Variants in MTHFD1L observed in about 807,000 individuals in gnomAD.
MTHFD1L encodes the protein methylenetetrahydrofolate dehydrogenase (NADP+ dependent) 1 like.
A neutral mutation model predicts 119.5 loss-of-function variants in MTHFD1L; 81 were observed. The observed-to-expected ratio is 0.68, with a 90% CI of 0.57 to 0.82. The LOEUF (loss-of-function observed/expected upper bound fraction) is 0.82. MTHFD1L is among the 40% of genes least tolerant of loss of function. MTHFD1L has a pLI of 0.00. For synonymous variants in MTHFD1L, 430 were observed against 475.2 expected (o/e 0.90, Z 1.24); for missense variants, 1,125 against 1,253.4 (o/e 0.90, Z 1.55).
At chr6:151,093,837 C>T (rs1464060658) in intron 27 of MTHFD1L, among the ~76,000 whole-genome samples, 2 of 152,144 alleles carry the variant, frequency 1.3e-5, no homozygotes, top group Non-Finnish European at 2.9e-5. Context: ...CCATGGGTTC[C>T]AGGAAGGGCA....
chr6:150,877,832 AATG>A lies in MTHFD1L; in HGVS notation c.417+7_417+9del, dbSNP rs762894586. On this transcript the variant is annotated splice_region_variant and intron_variant, in intron 4 of 27. Transcript: ENST00000367321. ...CAGATAGCAGTGAAGCCGAGGTAAT[AATG>A]GCAGAGCTCTAAACTCTTGCTTCTT... 6.2e-7 allele frequency: 1 copy of A among 1,614,216 alleles called. No individual in the cohort carries two copies. Among genetic ancestry groups the A allele is most frequent in the Non-Finnish European group, 8.5e-7 (1 of 1,180,024 alleles).
chr6:150,988,887 T>A (rs1375249171), intron 20 of MTHFD1L, among the ~76,000 whole-genome samples: 3 of 152,340 alleles, frequency 2.0e-5, no homozygotes, highest in Non-Finnish European at 4.4e-5. Flanking sequence ...ATTACAGGCA[T>A]GTGCCACCAT....
At chr6:151,034,645 C>A (rs367994189) in intron 25 of MTHFD1L, 45 bp downstream of exon 25, 28 of 1,226,230 alleles carry the variant, frequency 2.3e-5, no homozygotes, top group African/African-American at 2.1e-4. Flanking sequence ...TCACCTTAGG[C>A]TCTCAGAATA....
At chr6:151,055,879 C>A (rs1789844913) in intron 26 of MTHFD1L, 1 of 152,222 alleles carries the variant, frequency 6.6e-6, no homozygotes, top group South Asian at 2.1e-4. Flanking sequence ...CTGTAAGTAA[C>A]TCTTGATTCC....
intron 20 of MTHFD1L, among the ~76,000 whole-genome samples, chr6:150,977,108 G>C (rs562525136): frequency 2.6e-4 from 39 of 152,292 alleles, no homozygotes; most frequent in African/African-American, 7.2e-4. Context: ...TTGATGATGT[G>C]CTGTGAGAGA....
At chr6:150,943,983 A>C (rs1158787522) in intron 13 of MTHFD1L, among the ~76,000 whole-genome samples, 1 of 152,206 alleles carries the variant, frequency 6.6e-6, no homozygotes, top group African/African-American at 2.4e-5. Flanking sequence ...GACTATAAGG[A>C]GATTCATTAT....
intron 23 of MTHFD1L, 108 bp downstream of exon 23, chr6:151,015,088 A>G: frequency 1.2e-6 from 1 of 833,608 alleles, no homozygotes; most frequent in South Asian, 1.7e-5. Flanking sequence ...CTAAAAGTAT[A>G]CAGAAATACC....
At chr6:151,080,127 G>A (rs1226192169) in intron 26 of MTHFD1L, among the ~76,000 whole-genome samples, 11 of 152,118 alleles carry the variant, frequency 7.2e-5, no homozygotes, top group African/African-American at 1.9e-4. Flanking sequence ...TCAGTGAGCC[G>A]AGATTGCGCC....
chr6:151,057,886 T>C (rs565961343), intron 26 of MTHFD1L, among the ~76,000 whole-genome samples: 9 of 152,184 alleles, frequency 5.9e-5, no homozygotes, highest in African/African-American at 2.2e-4. Flanking sequence ...TCAAGTGATT[T>C]TCCTGCCTCA....
chr6:150,954,449 A>T (rs1474656217), intron 16 of MTHFD1L, among the ~76,000 whole-genome samples: 2 of 152,106 alleles, frequency 1.3e-5, no homozygotes, highest in Non-Finnish European at 2.9e-5. Context: ...GCACTTTGGG[A>T]GGCCGAGGCA....
intron 26 of MTHFD1L, among the ~76,000 whole-genome samples, chr6:151,044,353 G>C (rs1363020007): frequency 1.3e-5 from 2 of 150,524 alleles, no homozygotes; most frequent in Non-Finnish European, 3.0e-5. Flanking sequence ...CTGGGCTGGA[G>C]TGCAGTGGCG....
chr6:150,932,406 C>T lies in MTHFD1L; in HGVS notation c.1257-4398C>T, dbSNP rs75378781. Reference sequence around the variant, plus strand: ...TCAGAGAGGGGGTACAGAAATCTGCCGGGAGAAGTGGAGGAATGTAATGAA... The same window carrying T: ...TCAGAGAGGGGGTACAGAAATCTGCTGGGAGAAGTGGAGGAATGTAATGAA... On this transcript the variant is annotated intron_variant, in intron 11 of 27. Coordinates refer to ENST00000367321, the MANE Select transcript of MTHFD1L (RefSeq NM_015440.5). 4.2e-3 allele frequency among the ~76,000 whole-genome samples: 644 copies of T among 152,020 alleles called. 5 individuals are homozygous for T. Among genetic ancestry groups the T allele is most frequent in the African/African-American group, 0.015 (620 of 41,472 alleles).
At chr6:150,892,818 G>T (rs1303365037) in intron 7 of MTHFD1L, among the ~76,000 whole-genome samples, 1 of 152,126 alleles carries the variant, frequency 6.6e-6, no homozygotes. Flanking sequence ...GAATGTATGG[G>T]GCAGAAAACC....
chr6:151,057,178 C>G, intron 26 of MTHFD1L: 1 of 984,906 alleles, frequency 1.0e-6, no homozygotes, highest in South Asian at 4.7e-5. Flanking sequence ...TGACTCTGCT[C>G]CATTATGTAT....
At chr6:151,009,286 G>A (rs1468632947) in intron 20 of MTHFD1L, among the ~76,000 whole-genome samples, 1 of 152,118 alleles carries the variant, frequency 6.6e-6, no homozygotes, top group African/African-American at 2.4e-5. Flanking sequence ...TGTAATCCCA[G>A]CACTTTGTGA....
At chr6:150,936,245 GAGGTCATGACCTT>G (rs1792031612) in intron 11 of MTHFD1L, among the ~76,000 whole-genome samples, 1 of 152,308 alleles carries the variant, frequency 6.6e-6, no homozygotes, top group East Asian at 1.9e-4. Flanking sequence ...GGCCACCCCA[GAGGTCATGACCTT>G]ATCACCATCT....
chr6:150,923,351 G>T (rs1789326259), intron 10 of MTHFD1L, among the ~76,000 whole-genome samples: 1 of 151,988 alleles, frequency 6.6e-6, no homozygotes, highest in Non-Finnish European at 1.5e-5. Context: ...TTTCCAGCCT[G>T]ATGATGAGTC....
intron 7 of MTHFD1L, among the ~76,000 whole-genome samples, chr6:150,892,275 G>A (rs891343751): frequency 1.3e-5 from 2 of 152,214 alleles, no homozygotes; most frequent in Non-Finnish European, 2.9e-5. Context: ...ACTTTTGCTA[G>A]TTGTATCTAT....
At chr6:150,911,833 C>T (rs935619774) in intron 8 of MTHFD1L, among the ~76,000 whole-genome samples, 1 of 152,052 alleles carries the variant, frequency 6.6e-6, no homozygotes, top group Non-Finnish European at 1.5e-5. Flanking sequence ...AAAGCGGAAA[C>T]CCCTGATAAA....
Sources: allele counts gnomAD v4.1 joint callset (sites outside exome capture counted in the v4.1 genomes callset), GRCh38; gene constraint gnomAD v4.1.1; transcripts MANE v1.5; gene names NCBI Gene and HGNC (gene_info 2026-07-23, HGNC 2026-07-21).